PLXNA4: variants seen among roughly 807,000 people sequenced by gnomAD.
The protein encoded by PLXNA4 is plexin-A4.
A neutral mutation model predicts 191.8 loss-of-function variants in PLXNA4; 44 were observed. The observed-to-expected ratio is 0.23, with a 90% confidence interval of 0.18 to 0.29. The LOEUF (loss-of-function observed/expected upper bound fraction) is 0.29. PLXNA4 is among the 10% of genes least tolerant of loss of function. The pLI is 1.00. For synonymous variants in PLXNA4, 1,082 were observed against 1,009.5 expected, an observed-to-expected ratio of 1.07 and a Z score of -1.36; for missense variants, 1,800 against 2,488.8, an observed-to-expected ratio of 0.72 and a Z score of 5.89.
Position 132,612,026 on chromosome 7 carries a change from T to C in PLXNA4, c.-87+33902A>G, listed in dbSNP as rs960036984. ...TCTCAAGGTCATCAGTAGGTCAAGA[T>C]TGCTGTTTTGAGCTCCTGCTATTAC... is the stretch of plus-strand genomic sequence containing the variant. On this transcript the variant is annotated intron_variant, in intron 2 of 4. Transcript: ENST00000378539. Among the ~76,000 whole-genome samples the C allele has an allele frequency of 9.8e-5, 15 of 152,298 alleles. No homozygotes were observed. In the East Asian group the frequency reaches 2.7e-3, roughly 27 times the overall value.
At chr7:132,396,521 A>G (rs1257548400) in intron 3 of PLXNA4, among the ~76,000 whole-genome samples, 2 of 151,906 alleles carry the variant, frequency 1.3e-5, no homozygotes, top group Admixed American at 6.6e-5. Flanking sequence ...GAGACAGTCA[A>G]CCCCTATCAC....
In PLXNA4 at chr7:132,198,383, C is replaced by A. The variant is rs1797319411; in HGVS notation, c.2738+102G>T. The A allele has an allele frequency of 1.8e-5, 27 of 1,470,252 alleles. No individual in the cohort carries two copies. The South Asian group carries it at 3.7e-4, about 20-fold the overall frequency. The allele number at this position is 1,470,252 out of a possible 1,614,324, so 91.1% of individuals were successfully genotyped here. On this transcript the variant is annotated intron_variant, in intron 13 of 31. Transcript: ENST00000321063. Reference sequence around the variant, plus strand: ...ATTGGGGTGGTTCTCCTTTTTCCCCCACAACAAGCTCTGAGAGCACCTAGT... The same window carrying A: ...ATTGGGGTGGTTCTCCTTTTTCCCCAACAACAAGCTCTGAGAGCACCTAGT...
intron 4 of PLXNA4, among the ~76,000 whole-genome samples, chr7:132,288,069 G>A (rs575325542): frequency 6.6e-5 from 10 of 152,244 alleles, no homozygotes; most frequent in Admixed American, 2.0e-4. Context: ...CCCATTCCTC[G>A]TTGGAGGAGG....
At chr7:132,598,465 A>G (rs984171493) in intron 2 of PLXNA4, among the ~76,000 whole-genome samples, 1 of 152,206 alleles carries the variant, frequency 6.6e-6, no homozygotes, top group African/African-American at 2.4e-5. Flanking sequence ...CTCAACAAAC[A>G]TTATTCAACC....
At chr7:132,563,799 CCTCCTTCTCCT>C (rs1801526638) in intron 1 of PLXNA4, among the ~76,000 whole-genome samples, 1 of 100,448 alleles carries the variant, frequency 1.0e-5, no homozygotes, top group Non-Finnish European at 2.1e-5. Flanking sequence ...TCCTTCTCCT[CCTCCTTCTCCT>C]CCTCCTTCTC....
At chr7:132,185,547 C>T in intron 15 of PLXNA4, 84 bp from the exon 16 acceptor site, 1 of 1,507,078 alleles carries the variant, frequency 6.6e-7, no homozygotes, top group African/African-American at 1.4e-5. Context: ...ACACCGCTCC[C>T]TGCATGTCAG....
upstream of PLXNA4, chr7:132,576,658 G>T: frequency 2.1e-6 from 2 of 951,674 alleles, no homozygotes; most frequent in Non-Finnish European, 1.3e-6. This position sits in a 1 kb window ranked among gnomAD's most constrained non-coding sequence, Gnocchi z 5.8. Context: ...TTCTCTTGCG[G>T]CGTCCAAGGT....
intron 2 of PLXNA4, among the ~76,000 whole-genome samples, chr7:132,501,518 G>A (rs1585232645): frequency 6.6e-6 from 1 of 152,248 alleles, no homozygotes; most frequent in South Asian, 2.1e-4. Context: ...TGGGCATCCT[G>A]GGAGAGTACA....
intron 3 of PLXNA4, among the ~76,000 whole-genome samples, chr7:132,390,415 C>T (rs77347893): frequency 0.053 from 7,981 of 151,668 alleles, 278 homozygotes; most frequent in Non-Finnish European, 0.077. Context: ...TGGGGCCTGT[C>T]GGGGGGTCGG....
At chr7:132,401,785 C>A (rs1483818980) in intron 3 of PLXNA4, among the ~76,000 whole-genome samples, 3 of 152,124 alleles carry the variant, frequency 2.0e-5, no homozygotes, top group Admixed American at 1.3e-4. Flanking sequence ...TGGCTCTATC[C>A]CTGTGCTTAG....
At chr7:132,218,236 G>A (rs551966114) in intron 9 of PLXNA4, among the ~76,000 whole-genome samples, 7 of 152,296 alleles carry the variant, frequency 4.6e-5, no homozygotes, top group African/African-American at 1.7e-4. Flanking sequence ...CTTTTCAGGG[G>A]TGTTGGGGTA....
chr7:132,352,723 A>G lies in PLXNA4; in HGVS notation c.1372-54501T>C, dbSNP rs577743042. 6.6e-5 allele frequency among the ~76,000 whole-genome samples: 10 copies of G among 152,324 alleles called. No homozygotes were observed. In the South Asian group the frequency reaches 1.7e-3, roughly 25 times the overall value. Reference sequence around the variant, plus strand: ...GCTGCAGCATCCTCCTACGTAAAATAGGAACACGCTTTCCTTCCACTCGGG... The same window carrying G: ...GCTGCAGCATCCTCCTACGTAAAATGGGAACACGCTTTCCTTCCACTCGGG... On this transcript the variant is annotated intron_variant, in intron 3 of 31. Transcript: ENST00000321063.
At chr7:132,223,039 C>T (rs2116954693) in intron 9 of PLXNA4, among the ~76,000 whole-genome samples, 1 of 152,254 alleles carries the variant, frequency 6.6e-6, no homozygotes, top group East Asian at 1.9e-4. Context: ...GTCTTGGAAC[C>T]ACGCTTTGAA....
chr7:132,292,588 A>G (rs2116469642), intron 4 of PLXNA4, among the ~76,000 whole-genome samples: 2 of 152,306 alleles, frequency 1.3e-5, no homozygotes, highest in East Asian at 3.9e-4. Flanking sequence ...TTCATCACAA[A>G]CAGATGAAGT....
chr7:132,351,076 A>G (rs1039894828), intron 3 of PLXNA4, among the ~76,000 whole-genome samples: 1 of 152,268 alleles, frequency 6.6e-6, no homozygotes, highest in Non-Finnish European at 1.5e-5. Flanking sequence ...CACAATGTCC[A>G]GAATAGACAA....
intron 3 of PLXNA4, among the ~76,000 whole-genome samples, chr7:132,304,621 C>T (rs1801437441): frequency 6.6e-6 from 1 of 152,198 alleles, no homozygotes; most frequent in Non-Finnish European, 1.5e-5. Flanking sequence ...CAGGTGCTCA[C>T]TATGTGGCCA....
At chr7:132,231,075 C>T (rs1157459788) in intron 5 of PLXNA4, among the ~76,000 whole-genome samples, 2 of 152,216 alleles carry the variant, frequency 1.3e-5, no homozygotes, top group Admixed American at 1.3e-4. Context: ...AGAAACTACT[C>T]ATCATCTTCC....
chr7:132,364,977 T>C (rs888333289), intron 3 of PLXNA4, among the ~76,000 whole-genome samples: 1 of 152,278 alleles, frequency 6.6e-6, no homozygotes, highest in East Asian at 1.9e-4. Flanking sequence ...AGGGTTATTG[T>C]CCCATGCCAA....
chr7:132,319,286 A>G (rs772597174), intron 3 of PLXNA4, among the ~76,000 whole-genome samples: 16 of 152,160 alleles, frequency 1.1e-4, no homozygotes, highest in Non-Finnish European at 1.8e-4. Context: ...AGCATGGCTG[A>G]GGTGGAGCCC....
Sources: allele counts gnomAD v4.1 joint callset (sites outside exome capture counted in the v4.1 genomes callset), GRCh38; gene constraint gnomAD v4.1.1; non-coding constraint Gnocchi (gnomAD v3.1); transcripts MANE v1.5; gene names NCBI Gene and HGNC (gene_info 2026-07-23, HGNC 2026-07-21).